The following KCNG2 variants were observed in gnomAD, a reference collection of about 807,000 sequenced individuals.
KCNG2 encodes the protein potassium voltage-gated channel modifier subfamily G member 2, also known as voltage-gated potassium channel regulatory subunit KCNG2.
Under a neutral mutation model 12.3 loss-of-function variants are expected in KCNG2, and 7 were observed. The ratio of observed to expected loss-of-function variants is 0.57; its 90% CI spans 0.32 to 1.07. The LOEUF (loss-of-function observed/expected upper bound fraction) is 1.07. Ranked by LOEUF, KCNG2 falls within the 50% of genes least tolerant of loss-of-function variation. KCNG2 has a pLI of 0.04. For missense variants in KCNG2, 703 were observed against 726.0 expected (o/e 0.97, Z 0.36); for synonymous variants, 414 against 351.4 (o/e 1.18, Z -1.99).
intron 3 of KCNG2, among the ~76,000 whole-genome samples, chr18:79,888,850 T>G (rs1980648082): frequency 1.3e-5 from 2 of 152,100 alleles, no homozygotes; most frequent in Admixed American, 6.5e-5. Flanking sequence ...ATTTTTTTTT[T>G]GTATTTTCAG....
intron 3 of KCNG2, among the ~76,000 whole-genome samples, chr18:79,897,549 T>G (rs188802469): frequency 6.6e-6 from 1 of 152,352 alleles, no homozygotes; most frequent in Non-Finnish European, 1.5e-5. Flanking sequence ...ATTTGACATT[T>G]GGTCACTCTC....
Position 79,899,387 on chromosome 18 carries a change from G to T in KCNG2, c.972G>T (p.Leu324=). The T allele has an allele frequency of 6.4e-7, 1 of 1,571,216 alleles. No individual in the cohort carries two copies. The highest frequency in any genetic ancestry group is 1.4e-5 in the African/African-American group (1 of 72,960). ...TMRRCAREFG[L]LLLFLCVAMA... is the part of the protein sequence containing the mutation. ...GCCGCTGCGCGCGCGAGTTCGGGCT[G>T]CTGCTGCTGTTCCTCTGCGTGGCCA... Residue 324 remains leucine, a synonymous_variant, in exon 4 of 4, where the codon CTG becomes CTT. Coordinates refer to ENST00000316249, the MANE Select transcript of KCNG2 (RefSeq NM_012283.2).
intron 1 of KCNG2, among the ~76,000 whole-genome samples, chr18:79,845,612 T>G (rs1978596178): frequency 6.6e-6 from 1 of 152,242 alleles, no homozygotes. Flanking sequence ...CCATAAATCA[T>G]AATTGAAAAA....
chr18:79,800,475 G>A lies in KCNG2; in HGVS notation c.-115+2461G>A, dbSNP rs768045562. 1.3e-5 allele frequency among the ~76,000 whole-genome samples: 2 copies of A among 152,158 alleles called. No individual in the cohort carries two copies. Among genetic ancestry groups the A allele is most frequent in the Non-Finnish European group, 2.9e-5 (2 of 68,030 alleles). ...AGTCCAACGAGGGCGGGCATTGACC[G>A]AGGTAGTTTAAGACCCCCTTCCTCA... On this transcript the variant is annotated intron_variant, in intron 1 of 3. Coordinates refer to ENST00000316249, the MANE Select transcript of KCNG2 (RefSeq NM_012283.2). The surrounding 1 kb of genome is among the most constrained non-coding windows in gnomAD (Gnocchi z 4.0).
chr18:79,845,737 C>T (rs953109214), intron 1 of KCNG2, among the ~76,000 whole-genome samples: 5 of 152,120 alleles, frequency 3.3e-5, no homozygotes, highest in African/African-American at 9.7e-5. Context: ...ATTTTATACA[C>T]GTGTGTATTT....
chr18:79,833,760 G>A (rs1393291071), intron 1 of KCNG2, among the ~76,000 whole-genome samples: 1 of 152,226 alleles, frequency 6.6e-6, no homozygotes, highest in Non-Finnish European at 1.5e-5. Context: ...GCAGCATCTG[G>A]CTGGCTGCTG....
At chr18:79,888,404 GCGGCGTCCTCCT>G (rs1190090282) in intron 3 of KCNG2, among the ~76,000 whole-genome samples, 4 of 150,052 alleles carry the variant, frequency 2.7e-5, no homozygotes, top group African/African-American at 2.5e-5. Flanking sequence ...GGCCGGGACG[GCGGCGTCCTCCT>G]CATGAGGCCG....
At chr18:79,853,791 G>A (rs1418187163) in intron 1 of KCNG2, among the ~76,000 whole-genome samples, 1 of 152,250 alleles carries the variant, frequency 6.6e-6, no homozygotes, top group Non-Finnish European at 1.5e-5. Flanking sequence ...CTGGGGGGAT[G>A]GCCCCGCGCC....
intron 1 of KCNG2, among the ~76,000 whole-genome samples, chr18:79,812,274 G>A (rs373904575): frequency 6.6e-5 from 10 of 152,124 alleles, no homozygotes; most frequent in Non-Finnish European, 1.3e-4. Flanking sequence ...AGATACGGTC[G>A]GAACAGTTCT....
At chr18:79,882,843 G>A (rs1427628134) in intron 3 of KCNG2, among the ~76,000 whole-genome samples, 1 of 151,150 alleles carries the variant, frequency 6.6e-6, no homozygotes, top group African/African-American at 2.4e-5. Context: ...GTACACCTGC[G>A]CGTGGAGCGC....
At chr18:79,805,159 G>C (rs1440690134) in intron 1 of KCNG2, among the ~76,000 whole-genome samples, 2 of 152,186 alleles carry the variant, frequency 1.3e-5, no homozygotes, top group Non-Finnish European at 2.9e-5. Flanking sequence ...AAGAAACTTT[G>C]CATATCGTCA....
rs779717847 is a variant in KCNG2 at position 79,824,372 on chromosome 18, C to T, written c.-115+26358C>T. Among the ~76,000 whole-genome samples, 70 of 152,348 alleles carry T rather than the reference C, an allele frequency of 4.6e-4. 2 individuals are homozygous for T. The Middle Eastern group carries it at 0.01, about 22-fold the overall frequency. On this transcript the variant is annotated intron_variant, in intron 1 of 3. Coordinates refer to ENST00000316249, the MANE Select transcript of KCNG2 (RefSeq NM_012283.2). ...AGGCTGTTGATTTTATAGCCTGCTACTTTTCTGAATTTTTTTATTCAATAA... is the reference window on the plus strand; with the variant it reads ...AGGCTGTTGATTTTATAGCCTGCTATTTTTCTGAATTTTTTTATTCAATAA...
intron 1 of KCNG2, among the ~76,000 whole-genome samples, chr18:79,814,063 T>A (rs564313021): frequency 6.6e-6 from 1 of 152,294 alleles, no homozygotes; most frequent in South Asian, 2.1e-4. Flanking sequence ...CCCCTACACA[T>A]CTACCAGAGT....
At chr18:79,817,707 C>T (rs2087540712) in intron 1 of KCNG2, among the ~76,000 whole-genome samples, 1 of 152,188 alleles carries the variant, frequency 6.6e-6, no homozygotes, top group African/African-American at 2.4e-5. Context: ...TCTGCCCTCC[C>T]TCCACACCTC....
intron 1 of KCNG2, among the ~76,000 whole-genome samples, chr18:79,848,227 G>T (rs1978689957): frequency 6.6e-6 from 1 of 152,190 alleles, no homozygotes; most frequent in Non-Finnish European, 1.5e-5. Context: ...AGTAGGGTTT[G>T]CCTTTTGCTT....
chr18:79,851,588 CTG>C (rs982500818), intron 1 of KCNG2, among the ~76,000 whole-genome samples: 1 of 150,706 alleles, frequency 6.6e-6, no homozygotes, highest in Non-Finnish European at 1.5e-5. Flanking sequence ...TCAAGCTACG[CTG>C]TGTGTGTGCA....
intron 3 of KCNG2, among the ~76,000 whole-genome samples, chr18:79,891,716 T>C (rs1383410874): frequency 6.6e-6 from 1 of 152,224 alleles, no homozygotes; most frequent in Non-Finnish European, 1.5e-5. Context: ...TAATATTCTA[T>C]TGTGGATGGA....
intron 1 of KCNG2, among the ~76,000 whole-genome samples, chr18:79,839,449 A>C (rs920939269): frequency 6.6e-6 from 1 of 152,246 alleles, no homozygotes; most frequent in South Asian, 2.1e-4. Flanking sequence ...ACAACTCTAC[A>C]TGCACATTTG....
At chr18:79,882,754 C>T (rs1412696129) in intron 3 of KCNG2, among the ~76,000 whole-genome samples, 1 of 144,820 alleles carries the variant, frequency 6.9e-6, no homozygotes, top group African/African-American at 2.5e-5. Flanking sequence ...GCGAGGCTGC[C>T]GTGGAGCGCG....
Sources: allele counts gnomAD v4.1 joint callset (sites outside exome capture counted in the v4.1 genomes callset), GRCh38; gene constraint gnomAD v4.1.1; non-coding constraint Gnocchi (gnomAD v3.1); transcripts MANE v1.5; gene names NCBI Gene and HGNC (gene_info 2026-07-23, HGNC 2026-07-21).